Variants in JMJD1C observed in about 807,000 individuals in gnomAD.
JMJD1C encodes the protein jumonji domain containing 1C.
In JMJD1C, 31 loss-of-function variants were observed where a neutral mutation model predicts 245.3. That is an observed-to-expected ratio of 0.13 (90% CI 0.09 to 0.17). The LOEUF is 0.17. Among genes scored for constraint, JMJD1C ranks in the 10% least tolerant of loss-of-function variants. The pLI, the probability that JMJD1C is intolerant of heterozygous loss-of-function variation, is 1.00. For synonymous variants in JMJD1C, 1,057 were observed against 1,017.4 expected, an observed-to-expected ratio of 1.04 and a Z score of -0.74; for missense variants, 2,691 against 3,000.2, an observed-to-expected ratio of 0.90 and a Z score of 2.41.
At chr10:63,362,755 ACAGGCATGAGCCATCATGC>A (rs1945498114) in intron 2 of JMJD1C, among the ~76,000 whole-genome samples, 1 of 152,246 alleles carries the variant, frequency 6.6e-6, no homozygotes, top group African/African-American at 2.4e-5. Context: ...TGCTGGGATT[ACAGGCATGAGCCATCATGC>A]CTGGCCTAGT....
intron 1 of JMJD1C, among the ~76,000 whole-genome samples, chr10:63,429,298 C>T (rs1465348616): frequency 1.3e-5 from 2 of 151,806 alleles, no homozygotes; most frequent in African/African-American, 4.8e-5. Flanking sequence ...TTTTTTAACT[C>T]AGGGGGAATA....
chr10:63,265,817 AAAC>A (rs1342852374), intron 2 of JMJD1C, among the ~76,000 whole-genome samples: 1 of 152,192 alleles, frequency 6.6e-6, no homozygotes, highest in Non-Finnish European at 1.5e-5. Context: ...TTTCCACACA[AAAC>A]AAAGATTTTG....
intron 3 of JMJD1C, chr10:63,223,159 A>C: frequency 8.2e-5 from 46 of 562,988 alleles, no homozygotes; most frequent in Middle Eastern, 4.9e-4. Flanking sequence ...AACAAACAAA[A>C]ACTTCCATAC....
intron 1 of JMJD1C, among the ~76,000 whole-genome samples, chr10:63,446,104 G>A (rs12359741): frequency 6.6e-6 from 1 of 151,746 alleles, no homozygotes; most frequent in Non-Finnish European, 1.5e-5. Flanking sequence ...TGAACTCCTA[G>A]ACTCAAGCAA....
intron 2 of JMJD1C, among the ~76,000 whole-genome samples, chr10:63,375,912 C>G (rs7076310): frequency 6.6e-6 from 1 of 151,634 alleles, no homozygotes. Flanking sequence ...ATCCAAGTGA[C>G]CTTTTTCTGG....
At chr10:63,288,889 C>CAATAATAAT (rs61651313) in intron 2 of JMJD1C, among the ~76,000 whole-genome samples, 28 of 139,590 alleles carry the variant, frequency 2.0e-4, no homozygotes, top group South Asian at 6.6e-4. Flanking sequence ...AATAATAATA[C>CAATAATAAT]AATAATAATA....
At chr10:63,515,295 G>A (rs1954984372) in intron 1 of JMJD1C, among the ~76,000 whole-genome samples, 1 of 152,172 alleles carries the variant, frequency 6.6e-6, no homozygotes, top group Non-Finnish European at 1.5e-5. Context: ...TTTCTCCTGA[G>A]GGCAGGCCTT....
rs576759367 is a variant in JMJD1C, at chr10:63,291,957, G to A, written c.334-27193C>T. On this transcript the variant is annotated intron_variant, in intron 2 of 25. Coordinates refer to ENST00000399262, the MANE Select transcript of JMJD1C (RefSeq NM_032776.3). The stretch of plus-strand genomic sequence containing the variant: ...GTGCATGTCTGTGTGTGTTGTATGT[G>A]TGTGTGTATTTGAGACAGGGTCCCA... Among the ~76,000 whole-genome samples the A allele has an allele frequency of 9.9e-5, 15 of 151,892 alleles. No individual in the cohort carries two copies. The South Asian group carries it at 3.1e-3, about 32-fold the overall frequency.
intron 1 of JMJD1C, among the ~76,000 whole-genome samples, chr10:63,475,564 C>T (rs1434407521): frequency 6.6e-6 from 1 of 152,096 alleles, no homozygotes; most frequent in African/African-American, 2.4e-5. Context: ...AAGACCAAAA[C>T]AATAGAGGTC....
intron 2 of JMJD1C, among the ~76,000 whole-genome samples, chr10:63,377,472 T>A (rs1159942033): frequency 6.6e-6 from 1 of 152,128 alleles, no homozygotes; most frequent in Non-Finnish European, 1.5e-5. Context: ...TGGTGACTCA[T>A]GCCTGTAATC....
chr10:63,367,122 C>G (rs1343242076), intron 2 of JMJD1C, among the ~76,000 whole-genome samples: 1 of 152,204 alleles, frequency 6.6e-6, no homozygotes, highest in Non-Finnish European at 1.5e-5. Flanking sequence ...GAAGCCAAAA[C>G]AAAGGTCACA....
At chr10:63,378,321 G>A (rs1255989779) in intron 2 of JMJD1C, among the ~76,000 whole-genome samples, 1 of 152,122 alleles carries the variant, frequency 6.6e-6, no homozygotes, top group East Asian at 1.9e-4. Context: ...GCTGGGCACG[G>A]TGGCTCAGAC....
intron 4 of JMJD1C, 108 bp downstream of exon 4, chr10:63,219,770 A>G: frequency 1.6e-6 from 1 of 641,074 alleles, no homozygotes; most frequent in Non-Finnish European, 2.8e-6. Flanking sequence ...AACTCAAAAT[A>G]TTGGACTGGG....
intron 1 of JMJD1C, among the ~76,000 whole-genome samples, chr10:63,480,627 T>C (rs897086504): frequency 2.4e-4 from 5 of 20,706 alleles, no homozygotes; most frequent in Non-Finnish European, 6.2e-4. Context: ...AAAAGTACTA[T>C]TGTAAAAAAA....
At chr10:63,396,288 T>G (rs946766895) in intron 1 of JMJD1C, among the ~76,000 whole-genome samples, 1 of 152,140 alleles carries the variant, frequency 6.6e-6, no homozygotes, top group Non-Finnish European at 1.5e-5. Flanking sequence ...AGAGGCTATA[T>G]CCTAACACAC....
At chr10:63,379,857 G>C (rs1325260815) in intron 2 of JMJD1C, among the ~76,000 whole-genome samples, 1 of 152,106 alleles carries the variant, frequency 6.6e-6, no homozygotes, top group Non-Finnish European at 1.5e-5. Context: ...AGATTCATCA[G>C]AGACTCTTCA....
rs1950256174 is a variant in JMJD1C at position 63,423,569 on chromosome 10, TG to T, written c.168+41925del. Among the ~76,000 whole-genome samples, 3 of 152,226 alleles carry T rather than the reference TG, an allele frequency of 2.0e-5. No individual in the cohort carries two copies. The South Asian group carries it at 6.2e-4, about 32-fold the overall frequency. On this transcript the variant is annotated intron_variant, in intron 1 of 25. Coordinates refer to ENST00000399262, the MANE Select transcript of JMJD1C (RefSeq NM_032776.3). ...ATCAATTCCTCTGTTGCTGGACATTTGGGTTATTTCTGCCTTTTGTCTATTT... is the reference window on the plus strand; with the variant it reads ...ATCAATTCCTCTGTTGCTGGACATTTGGTTATTTCTGCCTTTTGTCTATTT...
At position 63,167,346 on chromosome 10, in the gene JMJD1C, AATGTATAT is replaced by A. The variant is rs1232575675; in HGVS notation, c.*691_*698del. On this transcript the variant is annotated 3_prime_UTR_variant, in exon 26 of 26. Transcript: ENST00000399262. ...AATGTTTTAAAAAAATACATCATTA[AATGTATAT>A]ATGTATATATTTACATAGCATATTA... The A allele has an allele frequency of 6.6e-6, 1 of 152,622 alleles. No homozygotes were observed. Among genetic ancestry groups the A allele is most frequent in the African/African-American group, 2.4e-5 (1 of 41,460 alleles). The allele number at this position is 152,622 out of a possible 1,614,324, so 9.5% of individuals were successfully genotyped here.
At chr10:63,499,382 T>A (rs765161502) in intron 1 of JMJD1C, among the ~76,000 whole-genome samples, 5 of 152,366 alleles carry the variant, frequency 3.3e-5, no homozygotes, top group Non-Finnish European at 7.3e-5. Context: ...TCACACTTGT[T>A]ATATTTTCTT....
Sources: allele counts gnomAD v4.1 joint callset (sites outside exome capture counted in the v4.1 genomes callset), GRCh38; gene constraint gnomAD v4.1.1; transcripts MANE v1.5; gene names NCBI Gene and HGNC (gene_info 2026-07-23, HGNC 2026-07-21).